ZNF738: variants seen among roughly 807,000 people sequenced by gnomAD.
ZNF738 encodes protein ZNF738.
A neutral mutation model predicts 9.2 loss-of-function variants in ZNF738; 10 were observed. The observed-to-expected ratio is 1.09, with a 90% CI of 0.67 to 1.85. The LOEUF (loss-of-function observed/expected upper bound fraction) is 1.85. Ranked by LOEUF, ZNF738 falls within the 40% of genes most tolerant of loss-of-function variation. The pLI is 0.00. For missense variants in ZNF738, 346 were observed against 283.6 expected, an observed-to-expected ratio of 1.22 and a Z score of -1.58; for synonymous variants, 113 against 94.5, an observed-to-expected ratio of 1.20 and a Z score of -1.14.
At chr19:21,368,573 T>C (rs1257057310) in intron 2 of ZNF738, among the ~76,000 whole-genome samples, 1 of 152,070 alleles carries the variant, frequency 6.6e-6, no homozygotes, top group Non-Finnish European at 1.5e-5. Flanking sequence ...CAATTCTGCC[T>C]CAGCCACCCG....
At chr19:21,368,458 T>A (rs1393302989) in intron 2 of ZNF738, among the ~76,000 whole-genome samples, 1 of 152,108 alleles carries the variant, frequency 6.6e-6, no homozygotes, top group African/African-American at 2.4e-5. Context: ...TGAGACAAAC[T>A]CTTTTTTTTT....
At chr19:21,364,959 C>T (rs956437900) in intron 2 of ZNF738, among the ~76,000 whole-genome samples, 3 of 142,600 alleles carry the variant, frequency 2.1e-5, no homozygotes, top group Admixed American at 7.3e-5. Flanking sequence ...AGGGTTTCAC[C>T]GTGATGGCCA....
intron 1 of ZNF738, among the ~76,000 whole-genome samples, chr19:21,361,458 G>A (rs556732710): frequency 9.4e-4 from 143 of 152,286 alleles, no homozygotes; most frequent in African/African-American, 3.3e-3. Flanking sequence ...CTTTTAAGAA[G>A]GTTTGTTATC....
intron 4 of ZNF738, chr19:21,377,415 A>G (rs552999202): frequency 3.2e-4 from 226 of 706,514 alleles, no homozygotes; most frequent in African/African-American, 2.5e-3. Flanking sequence ...ATTTCCTACT[A>G]TAATTATATT....
At chr19:21,378,165 T>C (rs1482085926) in intron 4 of ZNF738, 2 of 379,650 alleles carry the variant, frequency 5.3e-6, no homozygotes, top group Non-Finnish European at 4.6e-6. Context: ...AATTATATTT[T>C]TATATGTATA....
At chr19:21,373,048 A>G (rs2928188) in intron 2 of ZNF738, among the ~76,000 whole-genome samples, 144,871 of 152,256 alleles carry the variant, frequency 0.95, 69,181 homozygotes, top group Middle Eastern at 1. Context: ...AATGAGCCCA[A>G]GGGGAGCAAC....
intron 1 of ZNF738, 66 bp downstream of exon 1, chr19:21,359,209 T>C: frequency 1.0e-6 from 1 of 999,888 alleles, no homozygotes; most frequent in Non-Finnish European, 1.6e-6. Context: ...GGGAAGTGGC[T>C]GTGGCGAGAC....
intron 2 of ZNF738, among the ~76,000 whole-genome samples, chr19:21,364,174 G>A (rs2145219471): frequency 8.7e-6 from 1 of 115,552 alleles, no homozygotes; most frequent in East Asian, 2.4e-4. Flanking sequence ...TCTAGTCTGG[G>A]CAATAGAGCG....
intron 1 of ZNF738, 99 bp from the exon 2 acceptor site, chr19:21,361,667 G>C (rs554586729): frequency 1.7e-4 from 121 of 716,828 alleles, no homozygotes; most frequent in Non-Finnish European, 1.8e-4. Context: ...CCCGGTCCTG[G>C]GTTTCAGTAT....
At chr19:21,380,306 C>A (rs966589275) in intron 4 of ZNF738, among the ~76,000 whole-genome samples, 2 of 152,196 alleles carry the variant, frequency 1.3e-5, no homozygotes, top group Non-Finnish European at 2.9e-5. Flanking sequence ...TAAAGAAATT[C>A]TATCAAAATG....
At chr19:21,366,806 G>T (rs1171453436) in intron 2 of ZNF738, among the ~76,000 whole-genome samples, 1 of 152,156 alleles carries the variant, frequency 6.6e-6, no homozygotes, top group African/African-American at 2.4e-5. Flanking sequence ...GCACTGGTGG[G>T]AGGGTAACGG....
rs1440817838 is a variant in ZNF738 at position 21,385,736 on chromosome 19, A to G, written c.*2062A>G. Among the ~76,000 whole-genome samples, 2 of 152,238 alleles carry G rather than the reference A, an allele frequency of 1.3e-5. No homozygotes were observed. Among genetic ancestry groups the G allele is most frequent in the African/African-American group, 2.4e-5 (1 of 41,474 alleles). On this transcript the variant is annotated 3_prime_UTR_variant, in exon 5 of 5. Transcript: ENST00000683779. ...AACCGGTACTCAACCCTTACTACAC[A>G]TAAGGTAATTCATGCTGGAGAGATA...
At chr19:21,372,613 C>A (rs1473279978) in intron 2 of ZNF738, 1 of 152,202 alleles carries the variant, frequency 6.6e-6, no homozygotes, top group African/African-American at 2.4e-5. Flanking sequence ...CCTGCAGATC[C>A]AGTAGCTGCT....
intron 4 of ZNF738, among the ~76,000 whole-genome samples, chr19:21,379,701 A>AT (rs1014497542): frequency 3.9e-4 from 58 of 148,182 alleles, no homozygotes; most frequent in African/African-American, 3.9e-4. Flanking sequence ...TGTTTTTTAA[A>AT]TTTTTTTTTT....
At chr19:21,382,488 C>T (rs996264606) in intron 4 of ZNF738, among the ~76,000 whole-genome samples, 1 of 152,082 alleles carries the variant, frequency 6.6e-6, no homozygotes, top group African/African-American at 2.4e-5. Flanking sequence ...CCACATGCTT[C>T]AGCCTCCCAA....
Position 21,384,523 on chromosome 19 carries a change from CT to C in ZNF738, c.*853del, listed in dbSNP as rs1474989270. Among the ~76,000 whole-genome samples the C allele has an allele frequency of 6.6e-6, 1 of 152,066 alleles. No individual in the cohort carries two copies. Among genetic ancestry groups the C allele is most frequent in the Non-Finnish European group, 1.5e-5 (1 of 68,010 alleles). ...TACAAACATGAAGAAAGTGGCAAAG[CT>C]TTTAACTGTTCCTCACAAATTACTA... is the stretch of plus-strand genomic sequence containing the variant. On this transcript the variant is annotated 3_prime_UTR_variant, in exon 5 of 5. Coordinates refer to ENST00000683779, the MANE Select transcript of ZNF738 (RefSeq NM_001355237.2).
intron 2 of ZNF738, among the ~76,000 whole-genome samples, chr19:21,365,058 A>G (rs547245061): frequency 6.6e-6 from 1 of 151,634 alleles, no homozygotes; most frequent in Admixed American, 6.6e-5. Flanking sequence ...GCACCCAGCC[A>G]GTTATTTCTT....
Position 21,374,987 on chromosome 19 carries a change from C to G in ZNF738, c.97-251C>G, listed in dbSNP as rs1568369250. Among the ~76,000 whole-genome samples the G allele has an allele frequency of 4.6e-5, 7 of 151,976 alleles. No individual in the cohort carries two copies. The South Asian group carries it at 1.5e-3, about 32-fold the overall frequency. ...AAAATATACATGTTTGTGTTCATGCCTTTCGTTTTTATACTTTATTGTTCA... is the reference window on the plus strand; with the variant it reads ...AAAATATACATGTTTGTGTTCATGCGTTTCGTTTTTATACTTTATTGTTCA... On this transcript the variant is annotated intron_variant, in intron 2 of 4. Coordinates refer to ENST00000683779, the MANE Select transcript of ZNF738 (RefSeq NM_001355237.2).
intron 2 of ZNF738, among the ~76,000 whole-genome samples, chr19:21,368,587 A>G (rs1416178634): frequency 6.6e-6 from 1 of 151,992 alleles, no homozygotes; most frequent in Non-Finnish European, 1.5e-5. Flanking sequence ...CCACCCGAGT[A>G]GCTGGGACTA....
Sources: allele counts gnomAD v4.1 joint callset (sites outside exome capture counted in the v4.1 genomes callset), GRCh38; gene constraint gnomAD v4.1.1; transcripts MANE v1.5; gene names NCBI Gene and HGNC (gene_info 2026-07-23, HGNC 2026-07-21).